CNTN5: variants seen among roughly 807,000 people sequenced by gnomAD.
CNTN5 encodes the protein contactin-5.
A neutral mutation model predicts 129.1 loss-of-function variants in CNTN5; 77 were observed. The observed-to-expected ratio is 0.60, with a 90% CI of 0.50 to 0.72. CNTN5 has a LOEUF of 0.72. Among genes scored for constraint, CNTN5 ranks in the 30% least tolerant of loss-of-function variants. The pLI, the probability that CNTN5 is intolerant of heterozygous loss-of-function variation, is 0.00. For synonymous variants in CNTN5, 509 were observed against 465.6 expected (o/e 1.09, Z -1.20); for missense variants, 1,478 against 1,328.8 (o/e 1.11, Z -1.75).
intron 3 of CNTN5, 79 bp from the exon 4 acceptor site, chr11:99,819,465 T>C: frequency 7.7e-7 from 1 of 1,291,808 alleles, no homozygotes; most frequent in Non-Finnish European, 1.1e-6. Flanking sequence ...AGTAATGTCT[T>C]CAAAGAAACA....
intron 3 of CNTN5, among the ~76,000 whole-genome samples, chr11:99,757,021 T>C (rs1052605939): frequency 1.3e-5 from 2 of 151,776 alleles, no homozygotes; most frequent in East Asian, 1.9e-4. Context: ...TCACAATATG[T>C]GTAGTTTCCA....
intron 16 of CNTN5, among the ~76,000 whole-genome samples, chr11:100,250,722 G>A (rs531710532): frequency 1.6e-4 from 25 of 152,160 alleles, no homozygotes; most frequent in Admixed American, 8.5e-4. Context: ...GATTTATTAT[G>A]TTGTAAATTA....
chr11:99,952,612 A>G (rs1157300602), intron 7 of CNTN5, among the ~76,000 whole-genome samples: 1 of 152,148 alleles, frequency 6.6e-6, no homozygotes, highest in African/African-American at 2.4e-5. Flanking sequence ...GCTTATGGCA[A>G]CTTTGAACTC....
chr11:100,164,670 A>C (rs1947567768), intron 13 of CNTN5, among the ~76,000 whole-genome samples: 1 of 151,864 alleles, frequency 6.6e-6, no homozygotes, highest in Non-Finnish European at 1.5e-5. Context: ...ATGGAATAAA[A>C]ATGATAAAAC....
chr11:99,591,093 T>G (rs1949964479), intron 3 of CNTN5, among the ~76,000 whole-genome samples: 1 of 152,182 alleles, frequency 6.6e-6, no homozygotes, highest in Middle Eastern at 3.2e-3. Context: ...ATGTAACATC[T>G]CCACGTTGGC....
At chr11:99,826,207 A>C (rs1444737248) in intron 4 of CNTN5, among the ~76,000 whole-genome samples, 2 of 152,046 alleles carry the variant, frequency 1.3e-5, no homozygotes, top group Non-Finnish European at 1.5e-5. Context: ...TTTTCTTTGC[A>C]AGTACATGTG....
At chr11:99,326,907 G>A (rs972034124) in intron 2 of CNTN5, among the ~76,000 whole-genome samples, 9 of 152,066 alleles carry the variant, frequency 5.9e-5, no homozygotes, top group Non-Finnish European at 1.2e-4. Context: ...GTTACAATAA[G>A]AATGATTTAA....
At chr11:99,910,644 G>T (rs577232229) in intron 6 of CNTN5, among the ~76,000 whole-genome samples, 22 of 152,114 alleles carry the variant, frequency 1.4e-4, no homozygotes, top group African/African-American at 5.3e-4. Flanking sequence ...ATATATGACT[G>T]CAGTGAATTT....
At chr11:99,736,899 G>A (rs553364710) in intron 3 of CNTN5, among the ~76,000 whole-genome samples, 1 of 151,958 alleles carries the variant, frequency 6.6e-6, no homozygotes, top group African/African-American at 2.4e-5. Flanking sequence ...ATCAGCTGTG[G>A]GGAATTACAA....
At chr11:99,299,490 G>A (rs1864529813) in intron 1 of CNTN5, among the ~76,000 whole-genome samples, 1 of 152,070 alleles carries the variant, frequency 6.6e-6, no homozygotes, top group Non-Finnish European at 1.5e-5. Flanking sequence ...AACCAATAGT[G>A]GTTATCCAGT....
intron 1 of CNTN5, among the ~76,000 whole-genome samples, chr11:99,134,961 TAATG>T: frequency 6.6e-6 from 1 of 152,352 alleles, no homozygotes; most frequent in East Asian, 1.9e-4. Context: ...ATCAGTAGTA[TAATG>T]AATGACTTTT....
intron 10 of CNTN5, among the ~76,000 whole-genome samples, chr11:100,065,247 C>T (rs555114685): frequency 3.3e-5 from 5 of 152,184 alleles, no homozygotes; most frequent in African/African-American, 7.2e-5. Flanking sequence ...TCGCTTCTAT[C>T]GTCTGCAATT....
At chr11:99,067,468 G>A (rs948009929) in intron 1 of CNTN5, among the ~76,000 whole-genome samples, 2 of 151,414 alleles carry the variant, frequency 1.3e-5, no homozygotes, top group African/African-American at 2.4e-5. Context: ...AAGTCTGAGA[G>A]TAGGAAGAAT....
At chr11:100,095,187 T>C (rs531543029) in intron 13 of CNTN5, among the ~76,000 whole-genome samples, 1 of 152,230 alleles carries the variant, frequency 6.6e-6, no homozygotes, top group South Asian at 2.1e-4. Flanking sequence ...GCTATCAATT[T>C]TTTTTCTGCA....
intron 1 of CNTN5, among the ~76,000 whole-genome samples, chr11:99,204,104 T>C (rs990995062): frequency 1.3e-5 from 2 of 152,238 alleles, no homozygotes; most frequent in South Asian, 2.1e-4. Flanking sequence ...AATACAAATA[T>C]ACTTCATAAC....
chr11:99,374,797 T>G (rs1360382765), intron 2 of CNTN5, among the ~76,000 whole-genome samples: 1 of 152,120 alleles, frequency 6.6e-6, no homozygotes, highest in African/African-American at 2.4e-5. Flanking sequence ...ACTTAGATCA[T>G]CATGTAAATA....
chr11:99,131,862 A>G (rs1435099835), intron 1 of CNTN5, among the ~76,000 whole-genome samples: 1 of 152,198 alleles, frequency 6.6e-6, no homozygotes, highest in African/African-American at 2.4e-5. Flanking sequence ...ACTATTTCAA[A>G]CAATTGAACA....
At chr11:99,275,956 A>C (rs549555236) in intron 1 of CNTN5, among the ~76,000 whole-genome samples, 4 of 150,438 alleles carry the variant, frequency 2.7e-5, no homozygotes, top group Admixed American at 2.7e-4. Context: ...TATTTGAACA[A>C]AAAAAAAATC....
Position 99,556,177 on chromosome 11 carries a change from T to TA in CNTN5, c.-35dup. On this transcript the variant is annotated 5_prime_UTR_variant, in exon 3 of 25. Transcript: ENST00000524871. ...TTTAATGAAGAAACACCAGAGCTGT[T>TA]AAACACATTGAGACACAGAAGATTC... 7.5e-7 allele frequency: 1 copy of TA among 1,325,020 alleles called. No homozygotes were observed. The highest frequency in any genetic ancestry group is 1.0e-6 in the Non-Finnish European group (1 of 970,882). 82.1% of individuals were successfully genotyped at this position (1,325,020 alleles called of 1,614,324 possible).
Sources: gnomAD v4.1 joint callset for allele counts (sites outside exome capture counted in the v4.1 genomes callset) on GRCh38, gnomAD v4.1.1 for gene constraint, MANE v1.5 for transcripts, NCBI Gene and HGNC (gene_info 2026-07-23, HGNC 2026-07-21) for gene names.